RBM19: variants seen among roughly 807,000 people sequenced by gnomAD.
RBM19 encodes probable RNA-binding protein 19.
Under a neutral mutation model 116.8 loss-of-function variants are expected in RBM19, and 94 were observed. The ratio of observed to expected loss-of-function variants is 0.80; its 90% CI spans 0.68 to 0.95. RBM19 has a LOEUF of 0.95. Ranked by LOEUF, RBM19 falls within the 40% of genes least tolerant of loss-of-function variation. The pLI, the probability that RBM19 is intolerant of heterozygous loss-of-function variation, is 0.00. For synonymous variants in RBM19, 475 were observed against 494.1 expected (o/e 0.96, Z 0.51); for missense variants, 1,161 against 1,220.7 (o/e 0.95, Z 0.73).
intron 23 of RBM19, among the ~76,000 whole-genome samples, chr12:113,832,899 C>CGG (rs1260431305): frequency 6.6e-6 from 1 of 152,156 alleles, no homozygotes; most frequent in Non-Finnish European, 1.5e-5. Flanking sequence ...GTGGGGATAA[C>CGG]GGGCTCTCTT....
intron 21 of RBM19, among the ~76,000 whole-genome samples, chr12:113,875,393 T>C (rs1487279309): frequency 1.3e-5 from 2 of 151,996 alleles, no homozygotes; most frequent in Non-Finnish European, 2.9e-5. Flanking sequence ...ATTACAAAAG[T>C]TTAGAATTGG....
chr12:113,831,107 C>T (rs1208504688), intron 23 of RBM19, among the ~76,000 whole-genome samples: 3 of 152,176 alleles, frequency 2.0e-5, no homozygotes, highest in Non-Finnish European at 2.9e-5. Flanking sequence ...CTGGCCAAAT[C>T]TGATTTTTCA....
At chr12:113,911,529 G>A (rs1038713425) in intron 21 of RBM19, among the ~76,000 whole-genome samples, 2 of 152,202 alleles carry the variant, frequency 1.3e-5, no homozygotes, top group Non-Finnish European at 2.9e-5. Flanking sequence ...CTGGTTTGGT[G>A]CTGTTGAACA....
At chr12:113,918,621 C>T (rs1882929958) in intron 19 of RBM19, among the ~76,000 whole-genome samples, 174 bp from the exon 20 acceptor site, 1 of 152,226 alleles carries the variant, frequency 6.6e-6, no homozygotes, top group Non-Finnish European at 1.5e-5. Context: ...ATGGCTCACA[C>T]CGTGCCCAGG....
chr12:113,846,595 C>T (rs1302460143), intron 22 of RBM19, among the ~76,000 whole-genome samples: 1 of 152,106 alleles, frequency 6.6e-6, no homozygotes, highest in Non-Finnish European at 1.5e-5. Flanking sequence ...ACCAAGGATG[C>T]CAACTGTCCC....
chr12:113,869,228 C>A (rs1383863020), intron 21 of RBM19, among the ~76,000 whole-genome samples: 1 of 152,176 alleles, frequency 6.6e-6, no homozygotes, highest in Non-Finnish European at 1.5e-5. Context: ...GGGGCCTAAG[C>A]AAAAGAGGCC....
At chr12:113,930,369 G>A (rs1158376991) in intron 16 of RBM19, among the ~76,000 whole-genome samples, 1 of 152,234 alleles carries the variant, frequency 6.6e-6, no homozygotes, top group East Asian at 1.9e-4. Flanking sequence ...TATGAGCAGT[G>A]GCTGGTGTGC....
chr12:113,959,771 C>G, intron 4 of RBM19, 94 bp downstream of exon 4: 1 of 1,465,588 alleles, frequency 6.8e-7, no homozygotes, highest in Non-Finnish European at 9.5e-7. Flanking sequence ...GTCTCCTAGC[C>G]TCCACCCTCT....
chr12:113,893,653 T>A (rs1177279466), intron 21 of RBM19, among the ~76,000 whole-genome samples: 1 of 152,212 alleles, frequency 6.6e-6, no homozygotes, highest in African/African-American at 2.4e-5. Flanking sequence ...TTCCAATTAT[T>A]TCTTTAGAAT....
chr12:113,952,580 A>G lies in RBM19; in HGVS notation c.932T>C (p.Met311Thr), dbSNP rs1160320714. Residue 311 changes from methionine to threonine, a missense_variant, in exon 8 of 24, where the codon ATG becomes ACG. Coordinates refer to ENST00000261741, the MANE Select transcript of RBM19 (RefSeq NM_016196.4). ...APFNVTEKNV[M>T]EFLAPLKPVA... Reference sequence around the variant, plus strand: ...TGGTTTCAGGGGTGCCAGGAATTCCATAACATTTTTCTGTGAGAAGAAGTT... The same window carrying G: ...TGGTTTCAGGGGTGCCAGGAATTCCGTAACATTTTTCTGTGAGAAGAAGTT... The G allele has an allele frequency of 1.2e-6, 2 of 1,613,866 alleles. No individual in the cohort carries two copies. The highest frequency in any genetic ancestry group is 1.7e-6 in the Non-Finnish European group (2 of 1,179,876).
At chr12:113,849,349 T>C (rs1356558741) in intron 22 of RBM19, among the ~76,000 whole-genome samples, 5 of 152,228 alleles carry the variant, frequency 3.3e-5, no homozygotes, top group African/African-American at 1.2e-4. Context: ...TCACTGGGTG[T>C]CTTGAGAACA....
intron 23 of RBM19, 39 bp from the exon 24 acceptor site, chr12:113,823,360 G>A (rs1179490570): frequency 6.3e-7 from 1 of 1,575,950 alleles, no homozygotes; most frequent in African/African-American, 1.3e-5. Context: ...GAAAAGAACA[G>A]CCGAGAGGGT....
intron 22 of RBM19, among the ~76,000 whole-genome samples, chr12:113,849,254 G>A (rs137911329): frequency 3.7e-3 from 569 of 152,352 alleles, no homozygotes; most frequent in Non-Finnish European, 6.1e-3. Flanking sequence ...CTGGAGGGAA[G>A]GCGCTCCATG....
intron 21 of RBM19, 29 bp downstream of exon 21, chr12:113,914,940 G>A (rs932233120): frequency 1.9e-6 from 3 of 1,588,718 alleles, no homozygotes; most frequent in Non-Finnish European, 2.6e-6. Context: ...CCACACGCCA[G>A]TCCCCTGGAC....
At chr12:113,854,232 C>T (rs187208479) in intron 22 of RBM19, among the ~76,000 whole-genome samples, 37 of 152,238 alleles carry the variant, frequency 2.4e-4, no homozygotes, top group African/African-American at 8.4e-4. Flanking sequence ...CTTATATATG[C>T]AAATATCCTA....
intron 23 of RBM19, among the ~76,000 whole-genome samples, chr12:113,827,045 G>A (rs920729756): frequency 2.6e-5 from 4 of 152,196 alleles, no homozygotes; most frequent in South Asian, 4.2e-4. Flanking sequence ...ATGACACCCC[G>A]CACCTCCCGC....
At chr12:113,834,524 A>C (rs923503952) in intron 23 of RBM19, among the ~76,000 whole-genome samples, 1 of 152,226 alleles carries the variant, frequency 6.6e-6, no homozygotes, top group African/African-American at 2.4e-5. Context: ...GGTGGGCCAT[A>C]GGGTCTCTGT....
At chr12:113,920,375 T>A (rs1868422984) in intron 19 of RBM19, among the ~76,000 whole-genome samples, 1 of 152,224 alleles carries the variant, frequency 6.6e-6, no homozygotes, top group Non-Finnish European at 1.5e-5. Context: ...CTGGCTCACG[T>A]CAGGCCCTTG....
intron 12 of RBM19, 75 bp from the exon 13 acceptor site, chr12:113,945,999 G>T: frequency 7.5e-7 from 1 of 1,340,518 alleles, no homozygotes; most frequent in Non-Finnish European, 1.1e-6. Context: ...CACGAATCCT[G>T]TAAGAAATGG....
Sources: gnomAD v4.1 joint callset for allele counts (sites outside exome capture counted in the v4.1 genomes callset) on GRCh38, gnomAD v4.1.1 for gene constraint, MANE v1.5 for transcripts, NCBI Gene and HGNC (gene_info 2026-07-23, HGNC 2026-07-21) for gene names.